The following SLC7A8 variants were observed in gnomAD, a reference collection of about 807,000 sequenced individuals.
SLC7A8 encodes large neutral amino acids transporter small subunit 2.
SLC7A8 carries 30 observed loss-of-function variants against 51.2 expected under a neutral mutation model. The ratio of observed to expected loss-of-function variants is 0.59; its 90% CI spans 0.44 to 0.80. The LOEUF (loss-of-function observed/expected upper bound fraction) is 0.80. SLC7A8 is among the 30% of genes least tolerant of loss of function. The pLI is 0.00. For synonymous variants in SLC7A8, 257 were observed against 275.8 expected (o/e 0.93, Z 0.67); for missense variants, 612 against 674.4 (o/e 0.91, Z 1.03).
intron 1 of SLC7A8, among the ~76,000 whole-genome samples, chr14:23,179,832 G>A (rs1256624489): frequency 6.6e-6 from 1 of 151,090 alleles, no homozygotes; most frequent in Non-Finnish European, 1.5e-5. Flanking sequence ...AAGAAAGAAA[G>A]AAAGATGGGA....
intron 3 of SLC7A8, among the ~76,000 whole-genome samples, chr14:23,148,451 T>C (rs12881021): frequency 0.81 from 122,472 of 152,046 alleles, 49,498 homozygotes; most frequent in East Asian, 0.91. Context: ...TGGTCTCGAA[T>C]TCCTGAACTC....
rs1212117264 is a variant in SLC7A8, at chr14:23,143,096, A to G, written c.617T>C (p.Ile206Thr). ...ATACTCACCTTTGCATATCTGTACA[A>G]TCCCCATGATGATAATCAGGGCCAA... ...LALALIIIMG[I>T]VQICKGEYFW... Residue 206 changes from isoleucine to threonine, a missense_variant, in exon 4 of 11, where the codon ATT becomes ACT. Physicochemically the swap from Ile to Thr is moderately conservative, Grantham distance 89 (BLOSUM62 -1). Transcript: ENST00000316902. The G allele has an allele frequency of 1.2e-6, 2 of 1,614,166 alleles. No homozygotes were observed. The highest frequency in any genetic ancestry group is 2.2e-5 in the South Asian group (2 of 91,078).
chr14:23,167,436 A>G (rs2048955434), intron 1 of SLC7A8, among the ~76,000 whole-genome samples: 1 of 152,136 alleles, frequency 6.6e-6, no homozygotes, highest in Admixed American at 6.5e-5. Context: ...TGGATCTAGA[A>G]GTCAGTCTCC....
chr14:23,127,466 T>A, intron 10 of SLC7A8, 123 bp from the exon 11 acceptor site: 1 of 1,145,020 alleles, frequency 8.7e-7, no homozygotes, highest in East Asian at 2.4e-5. Flanking sequence ...AGTCAGTGCG[T>A]TGAAGAGAAT....
At chr14:23,177,060 T>C (rs1206272012) in intron 1 of SLC7A8, among the ~76,000 whole-genome samples, 1 of 152,220 alleles carries the variant, frequency 6.6e-6, no homozygotes, top group African/African-American at 2.4e-5. Context: ...AGTATTGTTC[T>C]GTAGCAAATA....
rs1566777112 is a variant in SLC7A8 at position 23,127,284 on chromosome 14, C to A, written c.1501G>T (p.Gly501Cys). Reference protein sequence around the residue: ...CVVVYPEVERGSGTEEANEDM... With the variant: ...CVVVYPEVERCSGTEEANEDM... Reference sequence around the variant, plus strand: ...TCATTAGCCTCCTCTGTCCCTGAGCCCCGCTCCACCTCGGGGTACACGACC... The same window carrying A: ...TCATTAGCCTCCTCTGTCCCTGAGCACCGCTCCACCTCGGGGTACACGACC... The change falls in exon 11 of 11, where the codon GGC becomes TGC. Residue 501 changes from glycine (G) to cysteine (C), a missense_variant. By Grantham distance (159) the Gly-to-Cys change is radical. Coordinates refer to ENST00000316902, the MANE Select transcript of SLC7A8 (RefSeq NM_012244.4). 6.2e-7 allele frequency: 1 copy of A among 1,614,094 alleles called. No homozygotes were observed. The highest frequency in any genetic ancestry group is 2.2e-5 in the East Asian group (1 of 44,884).
intron 1 of SLC7A8, among the ~76,000 whole-genome samples, chr14:23,175,264 C>CAGT (rs2048993929): frequency 6.6e-6 from 1 of 152,092 alleles, no homozygotes; most frequent in South Asian, 2.1e-4. Flanking sequence ...CTGGAGTAAG[C>CAGT]AGTAGTGCAA....
chr14:23,147,102 CATCATAG>C (rs1378478242), intron 3 of SLC7A8, among the ~76,000 whole-genome samples: 6 of 151,932 alleles, frequency 3.9e-5, no homozygotes, highest in South Asian at 2.1e-4. Flanking sequence ...TCCATCCATC[CATCATAG>C]ATCCATTCAC....
At chr14:23,153,904 C>T (rs2048868787) in intron 3 of SLC7A8, among the ~76,000 whole-genome samples, 1 of 152,060 alleles carries the variant, frequency 6.6e-6, no homozygotes, top group African/African-American at 2.4e-5. Context: ...GGAAAAATGT[C>T]CAGACTTGCC....
intron 9 of SLC7A8, chr14:23,129,362 AG>A: frequency 3.1e-6 from 1 of 321,714 alleles, no homozygotes; most frequent in South Asian, 5.9e-5. Context: ...AACCTTGAAA[AG>A]TCAGCTGGAG....
intron 3 of SLC7A8, among the ~76,000 whole-genome samples, chr14:23,162,678 G>T (rs376310240): frequency 7.2e-5 from 11 of 152,152 alleles, no homozygotes; most frequent in African/African-American, 2.7e-4. Flanking sequence ...GGCAGGTGGC[G>T]TTCTTATCTC....
chr14:23,180,511 A>C (rs1292221336), intron 1 of SLC7A8, among the ~76,000 whole-genome samples: 1 of 152,166 alleles, frequency 6.6e-6, no homozygotes, highest in Non-Finnish European at 1.5e-5. Flanking sequence ...AAGGATTCTC[A>C]TGTTTTGCAA....
At position 23,182,744 on chromosome 14, in the gene SLC7A8, C is replaced by A; in HGVS notation, c.151+20G>T. ...CACCAGAGGGGAGAGGAGGGGTCCGCGGGAAGGAATGGAACTCACCTACGA... is the reference window on the plus strand; with the variant it reads ...CACCAGAGGGGAGAGGAGGGGTCCGAGGGAAGGAATGGAACTCACCTACGA... On this transcript the variant is annotated intron_variant, in intron 1 of 10. Transcript: ENST00000316902. 1 of 1,527,310 alleles carries A rather than the reference C, an allele frequency of 6.5e-7. No homozygotes were observed. The highest frequency in any genetic ancestry group is 8.8e-7 in the Non-Finnish European group (1 of 1,138,780). 94.6% of individuals were successfully genotyped at this position (1,527,310 alleles called of 1,614,324 possible).
intron 3 of SLC7A8, among the ~76,000 whole-genome samples, chr14:23,155,703 C>T (rs1223282703): frequency 6.6e-6 from 1 of 152,034 alleles, no homozygotes; most frequent in Non-Finnish European, 1.5e-5. Flanking sequence ...CACCAATTCT[C>T]AGGGCTGATG....
intron 5 of SLC7A8, among the ~76,000 whole-genome samples, 192 bp from the exon 6 acceptor site, chr14:23,139,739 G>A (rs893773354): frequency 2.0e-5 from 3 of 152,220 alleles, no homozygotes; most frequent in Admixed American, 2.0e-4. Flanking sequence ...GCTGAGCGTG[G>A]TGGTTCACAC....
intron 3 of SLC7A8, among the ~76,000 whole-genome samples, chr14:23,158,376 A>C (rs2048904739): frequency 2.0e-5 from 3 of 152,186 alleles, no homozygotes; most frequent in Admixed American, 2.0e-4. Context: ...CATGGAGTCT[A>C]GCTCTGTCGC....
intron 3 of SLC7A8, among the ~76,000 whole-genome samples, chr14:23,154,881 C>T (rs1363396515): frequency 6.6e-6 from 1 of 151,288 alleles, no homozygotes; most frequent in Non-Finnish European, 1.5e-5. Flanking sequence ...AAAGTCCTTC[C>T]GCACCTGGAT....
chr14:23,146,922 T>C (rs1368557187), intron 3 of SLC7A8: 1 of 152,226 alleles, frequency 6.6e-6, no homozygotes, highest in African/African-American at 2.4e-5. Context: ...GGCTAGCTAC[T>C]GCTTGGCACT....
At position 23,181,699 on chromosome 14, in the gene SLC7A8, G is replaced by A. The variant is rs1210392567; in HGVS notation, c.151+1065C>T. 3.3e-5 allele frequency among the ~76,000 whole-genome samples: 5 copies of A among 152,234 alleles called. No individual in the cohort carries two copies. In the East Asian group the frequency reaches 9.6e-4, roughly 29 times the overall value. On this transcript the variant is annotated intron_variant, in intron 1 of 10. Coordinates refer to ENST00000316902, the MANE Select transcript of SLC7A8 (RefSeq NM_012244.4). ...AGCTCTCATAAAGGAACTCTGGAGA[G>A]ATGACAAAGAAGCATATCTATGCCT...
Sources: allele counts gnomAD v4.1 joint callset (sites outside exome capture counted in the v4.1 genomes callset), GRCh38; gene constraint gnomAD v4.1.1; transcripts MANE v1.5; gene names NCBI Gene and HGNC (gene_info 2026-07-23, HGNC 2026-07-21).